The following MPP7 variants were observed in gnomAD, a reference collection of about 807,000 sequenced individuals.
MPP7 encodes MAGUK p55 subfamily member 7.
Under a neutral mutation model 76.5 loss-of-function variants are expected in MPP7, and 60 were observed. The observed-to-expected ratio is 0.78, with a 90% CI of 0.64 to 0.97. The LOEUF is 0.97. Ranked by LOEUF, MPP7 falls within the 50% of genes least tolerant of loss-of-function variation. The probability of loss-of-function intolerance (pLI) is 0.00; values close to 1 mark genes in which losing one functional copy is unlikely to be tolerated. For missense variants in MPP7, 641 were observed against 694.0 expected (o/e 0.92, Z 0.86); for synonymous variants, 237 against 244.5 (o/e 0.97, Z 0.29).
chr10:28,138,575 G>T (rs1287530342), intron 5 of MPP7, among the ~76,000 whole-genome samples: 1 of 152,016 alleles, frequency 6.6e-6, no homozygotes, highest in East Asian at 1.9e-4. Context: ...TTCATTCTGG[G>T]TATAATCTTT....
chr10:28,205,677 T>C (rs1162398961), intron 2 of MPP7, among the ~76,000 whole-genome samples: 1 of 152,078 alleles, frequency 6.6e-6, no homozygotes, highest in African/African-American at 2.4e-5. Context: ...TATTCGTAAG[T>C]CCAGGACAAG....
intron 2 of MPP7, among the ~76,000 whole-genome samples, chr10:28,230,344 GCTT>G (rs5784045): frequency 0.096 from 14,607 of 151,846 alleles, 1,162 homozygotes; most frequent in East Asian, 0.41. Context: ...ACCCCAAAAA[GCTT>G]CAATTACAAG....
At chr10:28,281,647 C>A (rs1840675637) in intron 1 of MPP7, among the ~76,000 whole-genome samples, 1 of 152,062 alleles carries the variant, frequency 6.6e-6, no homozygotes, top group Non-Finnish European at 1.5e-5. Flanking sequence ...CATTTACTGA[C>A]CTTTGGTATG....
chr10:28,262,255 A>G (rs1564741642), intron 1 of MPP7, among the ~76,000 whole-genome samples: 1 of 48,308 alleles, frequency 2.1e-5, no homozygotes, highest in African/African-American at 1.1e-4. Context: ...ATATATATAT[A>G]TATGTATATA....
At chr10:28,057,670 C>A in intron 15 of MPP7, 1 of 819,062 alleles carries the variant, frequency 1.2e-6, no homozygotes, top group Middle Eastern at 3.3e-4. Flanking sequence ...TTCTTCAGAG[C>A]AGTGCAACAA....
chr10:28,119,830 G>A (rs1014911476), intron 10 of MPP7, 115 bp from the exon 11 acceptor site: 3 of 754,294 alleles, frequency 4.0e-6, no homozygotes, highest in African/African-American at 3.6e-5. Flanking sequence ...AAAAATGAAT[G>A]TAATGCAATA....
At chr10:28,316,175 G>A (rs958145616) in intron 2 of MPP7, among the ~76,000 whole-genome samples, 9 of 152,048 alleles carry the variant, frequency 5.9e-5, no homozygotes, top group South Asian at 4.1e-4. Flanking sequence ...GGTGGCTCAC[G>A]CCTGTAATCC....
At chr10:28,077,895 T>C (rs1233066341) in intron 12 of MPP7, among the ~76,000 whole-genome samples, 1 of 152,192 alleles carries the variant, frequency 6.6e-6, no homozygotes, top group Non-Finnish European at 1.5e-5. Flanking sequence ...GTGAGTTCTT[T>C]TTACATGACA....
At chr10:28,233,436 G>A (rs1588960341) in intron 2 of MPP7, among the ~76,000 whole-genome samples, 3 of 152,030 alleles carry the variant, frequency 2.0e-5, no homozygotes, top group South Asian at 2.1e-4. Context: ...GGCCGGGCGC[G>A]GTGGCTCACG....
chr10:28,080,027 C>A (rs1029715231), intron 12 of MPP7, among the ~76,000 whole-genome samples: 1 of 129,642 alleles, frequency 7.7e-6, no homozygotes. Flanking sequence ...TGGCTCAAAC[C>A]CAGAAGGCAG....
chr10:28,277,037 A>G (rs965812799), intron 1 of MPP7, among the ~76,000 whole-genome samples: 1 of 151,980 alleles, frequency 6.6e-6, no homozygotes, highest in African/African-American at 2.4e-5. Context: ...TACAAAAAAA[A>G]AAATTCATTA....
rs61845946 is a variant in MPP7 at position 28,311,607 on chromosome 10, G to A, written c.-132+18322C>T. The stretch of plus-strand genomic sequence containing the variant: ...TTGATTGAAATATACATATAGCTGA[G>A]CATGGTGGCTCATACATGTGATCCC... On this transcript the variant is annotated intron_variant, in intron 2 of 11. Transcript: ENST00000441595. 8.8e-3 allele frequency among the ~76,000 whole-genome samples: 1,343 copies of A among 152,282 alleles called. 14 individuals carry two copies. The highest frequency in any genetic ancestry group is 0.015 in the Non-Finnish European group (1,024 of 68,028).
At chr10:28,241,771 T>C (rs919056641) in intron 1 of MPP7, among the ~76,000 whole-genome samples, 1 of 152,174 alleles carries the variant, frequency 6.6e-6, no homozygotes, top group African/African-American at 2.4e-5. Context: ...GCATTTACAA[T>C]ACCCAATAGA....
At chr10:28,070,591 C>T (rs572758430) in intron 12 of MPP7, among the ~76,000 whole-genome samples, 3 of 152,260 alleles carry the variant, frequency 2.0e-5, no homozygotes, top group Admixed American at 2.0e-4. Context: ...TTTACATCTG[C>T]TAAACAATCA....
At chr10:28,325,784 G>A (rs368639574) in intron 2 of MPP7, among the ~76,000 whole-genome samples, 9 of 151,914 alleles carry the variant, frequency 5.9e-5, no homozygotes, top group African/African-American at 4.8e-5. Context: ...ATGAGCCACC[G>A]CGCCTGGCCG....
chr10:28,182,835 T>C (rs1305510464), intron 3 of MPP7, among the ~76,000 whole-genome samples: 1 of 152,242 alleles, frequency 6.6e-6, no homozygotes, highest in Non-Finnish European at 1.5e-5. Flanking sequence ...CCCACCACTT[T>C]GGGAGGCCAA....
At chr10:28,086,081 T>C (rs1198019272) in intron 12 of MPP7, among the ~76,000 whole-genome samples, 2 of 151,910 alleles carry the variant, frequency 1.3e-5, no homozygotes, top group Admixed American at 6.6e-5. Flanking sequence ...TAAGTGGAAG[T>C]TGAACAATGA....
At chr10:28,278,067 T>G (rs146794380) in intron 1 of MPP7, among the ~76,000 whole-genome samples, 1 of 152,094 alleles carries the variant, frequency 6.6e-6, no homozygotes, top group South Asian at 2.1e-4. Context: ...TAAATAACAA[T>G]TTTATATCCA....
chr10:28,062,676 G>A (rs1851841767), intron 13 of MPP7, among the ~76,000 whole-genome samples: 1 of 151,596 alleles, frequency 6.6e-6, no homozygotes, highest in African/African-American at 2.4e-5. Context: ...TGCAAAGAAA[G>A]CATTTTTTAA....
Sources: gnomAD v4.1 joint callset for allele counts (sites outside exome capture counted in the v4.1 genomes callset) on GRCh38, gnomAD v4.1.1 for gene constraint, MANE v1.5 for transcripts, NCBI Gene and HGNC (gene_info 2026-07-23, HGNC 2026-07-21) for gene names.